Variants in LPCAT3 observed in about 807,000 individuals in gnomAD.
LPCAT3 encodes lysophosphatidylcholine acyltransferase 3.
Under a neutral mutation model 63.4 loss-of-function variants are expected in LPCAT3, and 21 were observed. The ratio of observed to expected loss-of-function variants is 0.33; its 90% CI spans 0.23 to 0.48. The LOEUF is 0.48. Among genes scored for constraint, LPCAT3 ranks in the 20% least tolerant of loss-of-function variants. The probability of loss-of-function intolerance (pLI) is 0.99; values close to 1 mark genes in which losing one functional copy is unlikely to be tolerated. For missense variants in LPCAT3, 451 were observed against 590.6 expected, an observed-to-expected ratio of 0.76 and a Z score of 2.45; for synonymous variants, 242 against 227.5, an observed-to-expected ratio of 1.06 and a Z score of -0.58.
rs1555154319 is a variant in LPCAT3, at chr12:6,982,811, G to T, written c.260-29C>A. On this transcript the variant is annotated intron_variant, in intron 2 of 12. Coordinates refer to ENST00000261407, the MANE Select transcript of LPCAT3 (RefSeq NM_005768.6). ...GATGCAAGAAGAGAGAATTTAGCCT[G>T]GTTTTTACACTCCCACCGTCCTGAG... 4.1e-6 allele frequency: 6 copies of T among 1,466,658 alleles called. No individual in the cohort carries two copies. The South Asian group carries it at 5.7e-5, about 14-fold the overall frequency. 90.9% of individuals were successfully genotyped at this position (1,466,658 alleles called of 1,614,324 possible). A position where few individuals can be genotyped will look rare whatever the true frequency, so the allele number is the denominator to read the frequency against.
intron 1 of LPCAT3, among the ~76,000 whole-genome samples, chr12:7,007,380 T>C (rs1392354793): frequency 1.3e-5 from 2 of 152,024 alleles, no homozygotes; most frequent in African/African-American, 2.4e-5. Context: ...GTAAAATTAC[T>C]ATCTCACTAT....
intron 1 of LPCAT3, among the ~76,000 whole-genome samples, chr12:6,989,008 C>T (rs1555155126): frequency 6.6e-6 from 1 of 151,958 alleles, no homozygotes; most frequent in Non-Finnish European, 1.5e-5. Flanking sequence ...TGCCTGTAAT[C>T]CCAGCTACTC....
Position 7,017,601 on chromosome 12 carries a change from A to G in LPCAT3, c.151+673T>C, listed in dbSNP as rs1165899962. Among the ~76,000 whole-genome samples the G allele has an allele frequency of 4.6e-5, 7 of 152,178 alleles. No homozygotes were observed. The highest frequency in any genetic ancestry group is 1.7e-4 in the African/African-American group (7 of 41,438). On this transcript the variant is annotated intron_variant, in intron 1 of 12. Coordinates refer to ENST00000261407, the MANE Select transcript of LPCAT3 (RefSeq NM_005768.6). This position sits in a 1 kb window ranked among gnomAD's most constrained non-coding sequence, Gnocchi z 4.1. ...TCAGATACACCACATCCTTTGAACC[A>G]CACGTGTAATAAACGCTTGGAATAG... is the stretch of plus-strand genomic sequence containing the variant.
chr12:7,006,585 A>G (rs934142228), intron 1 of LPCAT3, among the ~76,000 whole-genome samples: 1 of 152,214 alleles, frequency 6.6e-6, no homozygotes, highest in Admixed American at 6.5e-5. Flanking sequence ...ATTATTTCCT[A>G]TTCTTTCAGA....
At chr12:7,003,355 G>A (rs73264653) in intron 1 of LPCAT3, among the ~76,000 whole-genome samples, 3,383 of 150,322 alleles carry the variant, frequency 0.023, 113 homozygotes, top group African/African-American at 0.074. Flanking sequence ...TGGGAGTAGG[G>A]TGAGTTTTTT....
chr12:6,987,842 T>C lies in LPCAT3; in HGVS notation c.152-4303A>G, dbSNP rs1287811921. The C allele has an allele frequency of 1.2e-5, 5 of 400,658 alleles. No homozygotes were observed. The East Asian group carries it at 1.4e-4, about 11-fold the overall frequency. 24.8% of individuals were successfully genotyped at this position (400,658 alleles called of 1,614,324 possible). A position where few individuals can be genotyped will look rare whatever the true frequency, so the allele number is the denominator to read the frequency against. On this transcript the variant is annotated intron_variant, in intron 1 of 12. Coordinates refer to ENST00000261407, the MANE Select transcript of LPCAT3 (RefSeq NM_005768.6). The surrounding 1 kb of genome is among the most constrained non-coding windows in gnomAD (Gnocchi z 4.1). ...GATGGCTTTATGACGTTCTGAGGTA[T>C]GTGAAATTGTCTGCCTGACTCTAAC...
chr12:6,977,027 G>A lies in LPCAT3; in HGVS notation c.*12+107C>T. 1 of 748,802 alleles carries A rather than the reference G, an allele frequency of 1.3e-6. No homozygotes were observed. Among genetic ancestry groups the A allele is most frequent in the Non-Finnish European group, 2.3e-6 (1 of 427,364 alleles). 46.4% of individuals were successfully genotyped at this position (748,802 alleles called of 1,614,324 possible). ...CCATACTGTGTTCCTTAGTAGCCAG[G>A]CTAATCCTTGGAATTCACCCCAGAT... is the stretch of plus-strand genomic sequence containing the variant. On this transcript the variant is annotated intron_variant, in intron 12 of 12. Transcript: ENST00000261407. This position sits in a 1 kb window ranked among gnomAD's most constrained non-coding sequence, Gnocchi z 4.5.
Position 6,988,806 on chromosome 12 carries a change from A to C in LPCAT3, c.152-5267T>G, listed in dbSNP as rs144070340. On this transcript the variant is annotated intron_variant, in intron 1 of 12. Coordinates refer to ENST00000261407, the MANE Select transcript of LPCAT3 (RefSeq NM_005768.6). ...GATGCCTTACCTTTATTAGCACCAG[A>C]TGGGTTTGTAACAACCCAGAGGTTT... is the stretch of plus-strand genomic sequence containing the variant. Among the ~76,000 whole-genome samples the C allele has an allele frequency of 4.3e-4, 66 of 152,194 alleles. 3 individuals carry two copies. The East Asian group carries it at 0.012, about 29-fold the overall frequency.
intron 7 of LPCAT3, 158 bp from the exon 8 acceptor site, chr12:6,978,847 G>A: frequency 9.9e-7 from 1 of 1,009,006 alleles, no homozygotes; most frequent in Non-Finnish European, 1.4e-6. Flanking sequence ...TTCACAATAG[G>A]CAGAGAGGAA....
intron 1 of LPCAT3, among the ~76,000 whole-genome samples, chr12:6,984,274 A>G (rs1433332799): frequency 6.6e-6 from 1 of 152,272 alleles, no homozygotes; most frequent in African/African-American, 2.4e-5. Flanking sequence ...GCCATGAGTG[A>G]ACCACAGAGG....
At chr12:7,015,429 T>C (rs1946791502) in intron 1 of LPCAT3, among the ~76,000 whole-genome samples, 1 of 152,200 alleles carries the variant, frequency 6.6e-6, no homozygotes, top group African/African-American at 2.4e-5. Flanking sequence ...GGAACTCCAC[T>C]GCTGAAAGGC....
chr12:7,010,129 C>T (rs766501081), intron 1 of LPCAT3, among the ~76,000 whole-genome samples: 12 of 152,172 alleles, frequency 7.9e-5, no homozygotes, highest in Non-Finnish European at 1.5e-4. Flanking sequence ...CATTGACCTC[C>T]ACCTACATAA....
chr12:6,995,641 C>G (rs954911502), intron 1 of LPCAT3, among the ~76,000 whole-genome samples: 20 of 152,050 alleles, frequency 1.3e-4, no homozygotes, highest in Non-Finnish European at 2.9e-5. Context: ...ATGGATCTCA[C>G]CCTTAAATCC....
In LPCAT3 at chr12:7,011,263, C is replaced by T. The variant is rs957528284; in HGVS notation, c.151+7011G>A. Among the ~76,000 whole-genome samples the T allele has an allele frequency of 4.6e-5, 7 of 152,242 alleles. No individual in the cohort carries two copies. The South Asian group carries it at 8.3e-4, about 18-fold the overall frequency. On this transcript the variant is annotated intron_variant, in intron 1 of 12. Transcript: ENST00000261407. The stretch of plus-strand genomic sequence containing the variant: ...GTTGCCCAGGCTGGTCTTGAACTCC[C>T]GGACTCAAGTGATCCTCTTGCTTTG...
Position 6,982,746 on chromosome 12 carries a change from A to G in LPCAT3, c.296T>C (p.Leu99Pro). Residue 99 changes from leucine (L) to proline (P), a missense_variant, in exon 3 of 13, where the codon CTT becomes CCT. Transcript: ENST00000261407. The stretch of plus-strand genomic sequence containing the variant: ...CATTAGTCGAAGGATGAGGAACTGA[A>G]GCACAATACACAGCAGGGAGTGGTA... ...QLYHSLLCIV[L>P]QFLILRLMGR... 1.2e-6 allele frequency: 2 copies of G among 1,614,042 alleles called. No homozygotes were observed. Among genetic ancestry groups the G allele is most frequent in the Non-Finnish European group, 1.7e-6 (2 of 1,179,906 alleles).
At chr12:6,988,901 C>T (rs1348533070) in intron 1 of LPCAT3, among the ~76,000 whole-genome samples, 2 of 151,988 alleles carry the variant, frequency 1.3e-5, no homozygotes, top group Non-Finnish European at 2.9e-5. Context: ...CCGAGGCAGG[C>T]GGATCACCTG....
Position 6,977,735 on chromosome 12 carries a change from T to C in LPCAT3, c.1051A>G (p.Lys351Glu). The change falls in exon 10 of 13, where the codon AAA becomes GAA. Residue 351 changes from lysine to glutamate, a missense_variant. By Grantham distance (56) the Lys-to-Glu change is moderately conservative (BLOSUM62 1). Coordinates refer to ENST00000261407, the MANE Select transcript of LPCAT3 (RefSeq NM_005768.6). This position sits in a 1 kb window ranked among gnomAD's most constrained non-coding sequence, Gnocchi z 4.5. Reference sequence around the variant, plus strand: ...TTATTTCCAAGGAACTTGAGTCGTTTGAAGATGTAGCTGGAGAAAAGGGTG... The same window carrying C: ...TTATTTCCAAGGAACTTGAGTCGTTCGAAGATGTAGCTGGAGAAAAGGGTG... ...TNAWVARYIF[K>E]RLKFLGNKEL... is the part of the protein sequence containing the mutation. 6.2e-7 allele frequency: 1 copy of C among 1,614,050 alleles called. No homozygotes were observed. Among genetic ancestry groups the C allele is most frequent in the Non-Finnish European group, 8.5e-7 (1 of 1,180,006 alleles).
At chr12:6,979,241 A>G (rs782570926) in intron 7 of LPCAT3, 1 of 560,272 alleles carries the variant, frequency 1.8e-6, no homozygotes, top group South Asian at 2.2e-5. Flanking sequence ...AGAGAAGGCA[A>G]CGGGTGCTAA....
chr12:7,002,933 TG>T (rs1555156617), intron 1 of LPCAT3, among the ~76,000 whole-genome samples: 1 of 151,958 alleles, frequency 6.6e-6, no homozygotes, highest in Non-Finnish European at 1.5e-5. Flanking sequence ...CACTTGAAAC[TG>T]GAAGGCAGAG....
Sources: gnomAD v4.1 joint callset for allele counts (sites outside exome capture counted in the v4.1 genomes callset) on GRCh38, gnomAD v4.1.1 for gene constraint, Gnocchi (gnomAD v3.1) non-coding constraint, MANE v1.5 for transcripts, NCBI Gene and HGNC (gene_info 2026-07-23, HGNC 2026-07-21) for gene names.